CATSPERD: variants seen among roughly 807,000 people sequenced by gnomAD.
The protein encoded by CATSPERD is catsper channel auxiliary subunit delta, also known as cation channel sperm-associated auxiliary subunit delta.
Under a neutral mutation model 98.1 loss-of-function variants are expected in CATSPERD, and 86 were observed. The ratio of observed to expected loss-of-function variants is 0.88; its 90% CI spans 0.74 to 1.05. The LOEUF is 1.05. CATSPERD is among the 50% of genes least tolerant of loss of function. The pLI, the probability that CATSPERD is intolerant of heterozygous loss-of-function variation, is 0.00. For synonymous variants in CATSPERD, 394 were observed against 390.2 expected (o/e 1.01, Z -0.12); for missense variants, 995 against 1,005.7 (o/e 0.99, Z 0.14).
chr19:5,733,506 G>C (rs913017555), intron 4 of CATSPERD, among the ~76,000 whole-genome samples: 3 of 149,186 alleles, frequency 2.0e-5, no homozygotes, highest in African/African-American at 7.4e-5. Context: ...CTTGTCACCA[G>C]GCTGGAGTGA....
intron 4 of CATSPERD, among the ~76,000 whole-genome samples, chr19:5,731,297 C>T (rs970491997): frequency 6.6e-6 from 1 of 151,384 alleles, no homozygotes; most frequent in Admixed American, 6.6e-5. Flanking sequence ...CAGGGCAACA[C>T]AACGAAACTC....
chr19:5,770,153 C>T (rs967066185), intron 18 of CATSPERD, among the ~76,000 whole-genome samples: 2 of 150,390 alleles, frequency 1.3e-5, no homozygotes, highest in Non-Finnish European at 3.0e-5. Context: ...ACCGGCCGGG[C>T]GCAGTGGGTC....
intron 7 of CATSPERD, among the ~76,000 whole-genome samples, chr19:5,743,493 G>GT (rs2056029912): frequency 6.6e-6 from 1 of 151,684 alleles, no homozygotes; most frequent in South Asian, 2.1e-4. Flanking sequence ...AGCTACTTGA[G>GT]ATGGGGAGGC....
In CATSPERD at chr19:5,767,289, C is replaced by G. The variant is rs182840630; in HGVS notation, c.1560-879C>G. Among the ~76,000 whole-genome samples, 825 of 131,956 alleles carry G rather than the reference C, an allele frequency of 6.3e-3. 17 individuals are homozygous for G. The highest frequency in any genetic ancestry group is 0.023 in the African/African-American group (797 of 34,552). 86.6% of individuals were successfully genotyped at this position (131,956 alleles called of 152,430 possible). A position where few individuals can be genotyped will look rare whatever the true frequency, so the allele number is the denominator to read the frequency against. On this transcript the variant is annotated intron_variant, in intron 17 of 21. Coordinates refer to ENST00000381624, the MANE Select transcript of CATSPERD (RefSeq NM_152784.4). The stretch of plus-strand genomic sequence containing the variant: ...CCGAGATCGTGCCACTGCACTCCAG[C>G]CTGGTTGACAGAGCGAGACTCTGTC...
intron 6 of CATSPERD, among the ~76,000 whole-genome samples, chr19:5,738,718 G>C (rs1489228200): frequency 6.6e-6 from 1 of 152,048 alleles, no homozygotes; most frequent in African/African-American, 2.4e-5. Context: ...TGAGTAGCTG[G>C]GACTACAGGT....
intron 4 of CATSPERD, among the ~76,000 whole-genome samples, chr19:5,730,984 C>T (rs1046574275): frequency 1.6e-4 from 23 of 147,690 alleles, no homozygotes; most frequent in African/African-American, 5.0e-4. Flanking sequence ...CCCAGCTATT[C>T]GGGAGGCTGA....
At chr19:5,768,626 G>A (rs955533111) in intron 18 of CATSPERD, among the ~76,000 whole-genome samples, 3 of 150,916 alleles carry the variant, frequency 2.0e-5, no homozygotes, top group East Asian at 2.0e-4. Flanking sequence ...ATGAGCCACC[G>A]CGCCCGGCCT....
intron 19 of CATSPERD, chr19:5,772,503 G>A (rs994179347): frequency 3.5e-5 from 12 of 346,928 alleles, no homozygotes; most frequent in African/African-American, 1.5e-4. Context: ...CTGAGATTAC[G>A]GGCGTGAGCC....
At chr19:5,735,809 C>T (rs1391411010) in intron 5 of CATSPERD, among the ~76,000 whole-genome samples, 1 of 115,490 alleles carries the variant, frequency 8.7e-6, no homozygotes, top group African/African-American at 3.4e-5. Context: ...CGGCGTCTTG[C>T]TCTGTCACCC....
chr19:5,766,407 A>T (rs2056540000), intron 17 of CATSPERD, among the ~76,000 whole-genome samples: 2 of 150,406 alleles, frequency 1.3e-5, no homozygotes, highest in Admixed American at 1.3e-4. Context: ...GCTGAGATTG[A>T]GCCACTGCAC....
intron 6 of CATSPERD, among the ~76,000 whole-genome samples, chr19:5,738,044 G>A (rs1243288241): frequency 6.6e-6 from 1 of 151,840 alleles, no homozygotes; most frequent in African/African-American, 2.4e-5. Flanking sequence ...TTTGAACAAC[G>A]TATAGGTTAG....
chr19:5,729,169 C>T (rs2055667931), intron 3 of CATSPERD, among the ~76,000 whole-genome samples: 1 of 151,844 alleles, frequency 6.6e-6, no homozygotes, highest in South Asian at 2.1e-4. Flanking sequence ...GATCTTGGCT[C>T]ACTGCAACCT....
intron 18 of CATSPERD, among the ~76,000 whole-genome samples, chr19:5,769,365 C>A (rs1158510268): frequency 6.6e-6 from 1 of 150,866 alleles, no homozygotes; most frequent in African/African-American, 2.4e-5. Context: ...ACAAGCAGTT[C>A]TCATGGAAGC....
intron 18 of CATSPERD, 151 bp from the exon 19 acceptor site, chr19:5,770,793 T>C (rs1354066012): frequency 1.1e-6 from 1 of 884,466 alleles, no homozygotes; most frequent in Non-Finnish European, 1.7e-6. Context: ...TATCATCTGG[T>C]CCATGGCTCT....
intron 17 of CATSPERD, among the ~76,000 whole-genome samples, chr19:5,767,119 C>T (rs931584517): frequency 4.0e-5 from 6 of 150,916 alleles, no homozygotes; most frequent in Non-Finnish European, 5.9e-5. Context: ...AGATTGAGAC[C>T]ATCCTGGCTA....
chr19:5,733,812 TG>T lies in CATSPERD; in HGVS notation c.277-43del, dbSNP rs760715138. On this transcript the variant is annotated intron_variant, in intron 4 of 21. Coordinates refer to ENST00000381624, the MANE Select transcript of CATSPERD (RefSeq NM_152784.4). ...AAGTCTGCGTTTCTGAATCAATGTT[TG>T]AAAAGATGCTCTCATTGATATCATC... is the stretch of plus-strand genomic sequence containing the variant. The T allele has an allele frequency of 1.9e-5, 25 of 1,323,628 alleles. No homozygotes were observed. The African/African-American group carries it at 3.3e-4, about 17-fold the overall frequency. 82.0% of individuals were successfully genotyped at this position (1,323,628 alleles called of 1,614,324 possible). A position where few individuals can be genotyped will look rare whatever the true frequency, so the allele number is the denominator to read the frequency against.
intron 19 of CATSPERD, 82 bp downstream of exon 19, chr19:5,771,154 T>A: frequency 7.0e-7 from 1 of 1,427,752 alleles, no homozygotes; most frequent in Non-Finnish European, 9.5e-7. Context: ...AGCCTGGCCC[T>A]CCAGGCTCCC....
At chr19:5,739,775 G>A (rs555917748) in intron 7 of CATSPERD, among the ~76,000 whole-genome samples, 1 of 147,980 alleles carries the variant, frequency 6.8e-6, no homozygotes, top group East Asian at 1.9e-4. Context: ...GGGAGATTGA[G>A]GCTGTGGTGA....
At chr19:5,725,966 T>A (rs2055596639) in intron 2 of CATSPERD, among the ~76,000 whole-genome samples, 2 of 152,172 alleles carry the variant, frequency 1.3e-5, no homozygotes, top group South Asian at 2.1e-4. Flanking sequence ...CATGTTAATA[T>A]TCATCATTCT....
Sources: allele counts gnomAD v4.1 joint callset (sites outside exome capture counted in the v4.1 genomes callset), GRCh38; gene constraint gnomAD v4.1.1; transcripts MANE v1.5; gene names NCBI Gene and HGNC (gene_info 2026-07-23, HGNC 2026-07-21).